SRP68: variants seen among roughly 807,000 people sequenced by gnomAD.
SRP68 encodes the protein signal recognition particle 68.
SRP68 carries 15 observed loss-of-function variants against 82.2 expected under a neutral mutation model. That is an observed-to-expected ratio of 0.18 (90% CI 0.12 to 0.28). The LOEUF (loss-of-function observed/expected upper bound fraction) is 0.28. Ranked by LOEUF, SRP68 falls within the 10% of genes least tolerant of loss-of-function variation. SRP68 has a pLI of 1.00. For synonymous variants in SRP68, 261 were observed against 292.6 expected, an observed-to-expected ratio of 0.89 and a Z score of 1.10; for missense variants, 595 against 780.5, an observed-to-expected ratio of 0.76 and a Z score of 2.83.
chr17:76,047,737 T>G (rs1016418081), intron 10 of SRP68, among the ~76,000 whole-genome samples, 169 bp downstream of exon 10: 1 of 150,830 alleles, frequency 6.6e-6, no homozygotes, highest in African/African-American at 2.4e-5. Context: ...TGCAGTGAGC[T>G]GAGATCACAT....
At position 76,067,255 on chromosome 17, in the gene SRP68, T is replaced by C. The variant is rs1478845101; in HGVS notation, c.327A>G (p.Thr109=). 3 of 1,613,784 alleles carry C rather than the reference T, an allele frequency of 1.9e-6. No individual in the cohort carries two copies. The highest frequency in any genetic ancestry group is 2.5e-6 in the Non-Finnish European group (3 of 1,179,856). ...NFKMGNRHKF[T]GKKVTEELLT... ...GAAGCTCTTCAGTCACTTTCTTCCC[T>C]GTGAATTTGTGTCTGTTACCCATCT... Residue 109 remains threonine (T), a synonymous_variant, in exon 3 of 16, where the codon ACA becomes ACG. Coordinates refer to ENST00000307877, the MANE Select transcript of SRP68 (RefSeq NM_014230.4).
intron 4 of SRP68, among the ~76,000 whole-genome samples, chr17:76,062,074 C>T (rs774377937): frequency 1.2e-4 from 19 of 152,038 alleles, no homozygotes; most frequent in Non-Finnish European, 2.8e-4. Context: ...CACCTGAGGT[C>T]AGGAGTTGGG....
intron 7 of SRP68, among the ~76,000 whole-genome samples, chr17:76,059,374 C>T (rs2066734579): frequency 6.6e-6 from 1 of 152,066 alleles, no homozygotes; most frequent in Non-Finnish European, 1.5e-5. Flanking sequence ...GAAACCCCGT[C>T]TCTACTAAAA....
chr17:76,055,097 C>A (rs1360177090), intron 8 of SRP68, among the ~76,000 whole-genome samples: 1 of 151,580 alleles, frequency 6.6e-6, no homozygotes, highest in Non-Finnish European at 1.5e-5. Context: ...GCTGGGATTA[C>A]AGACGTCTAC....
chr17:76,046,141 G>C lies in SRP68; in HGVS notation c.1196C>G (p.Ala399Gly). ...STAIKRNENMAKGLQRALLQQ... is the reference protein window; with the variant it reads ...STAIKRNENMGKGLQRALLQQ... ...CAGCAGAGCCCTCTGCAGACCTTTGGCCATGTTCTCATTACGCTTGATTGC... is the reference window on the plus strand; with the variant it reads ...CAGCAGAGCCCTCTGCAGACCTTTGCCCATGTTCTCATTACGCTTGATTGC... Residue 399 changes from alanine (A) to glycine (G), a missense_variant, in exon 11 of 16, where the codon GCC becomes GGC. This residue lies in a region of SRP68 where 495 missense variants were observed against 688.6 expected (regional missense o/e 0.72). Coordinates refer to ENST00000307877, the MANE Select transcript of SRP68 (RefSeq NM_014230.4). The C allele has an allele frequency of 6.2e-7, 1 of 1,613,886 alleles. No individual in the cohort carries two copies. Among genetic ancestry groups the C allele is most frequent in the Non-Finnish European group, 8.5e-7 (1 of 1,179,854 alleles).
intron 15 of SRP68, 67 bp downstream of exon 15, chr17:76,040,352 G>T: frequency 2.7e-6 from 4 of 1,460,866 alleles, no homozygotes; most frequent in South Asian, 2.3e-5. Flanking sequence ...GCTCTATAAT[G>T]AGCATGCATT....
At chr17:76,061,443 G>T in intron 5 of SRP68, 49 bp downstream of exon 5, 1 of 1,516,718 alleles carries the variant, frequency 6.6e-7, no homozygotes, top group South Asian at 1.1e-5. Flanking sequence ...GCTTAAATTT[G>T]ACAATCTGTA....
intron 5 of SRP68, 104 bp from the exon 6 acceptor site, chr17:76,061,323 C>A: frequency 1.0e-6 from 1 of 965,208 alleles, no homozygotes; most frequent in Non-Finnish European, 1.6e-6. Flanking sequence ...AGCTCTCCTA[C>A]CAACTACCAT....
In SRP68 at chr17:76,062,564, TATTATATAATATAC is replaced by T. The variant is rs1430110613; in HGVS notation, c.562-1004_562-991del. ...TATATATTATATAATATACATTATA[TATTATATAATATAC>T]ATTATATAATATATAATATACATTA... On this transcript the variant is annotated intron_variant, in intron 4 of 15. Coordinates refer to ENST00000307877, the MANE Select transcript of SRP68 (RefSeq NM_014230.4). 2.7e-4 allele frequency among the ~76,000 whole-genome samples: 16 copies of T among 59,010 alleles called. 1 individual carries two copies. Among genetic ancestry groups the T allele is most frequent in the East Asian group, 1.2e-3 (3 of 2,562 alleles). 38.7% of individuals were successfully genotyped at this position (59,010 alleles called of 152,430 possible).
chr17:76,045,236 C>A, intron 12 of SRP68, 56 bp downstream of exon 12: 4 of 1,397,194 alleles, frequency 2.9e-6, no homozygotes, highest in South Asian at 2.3e-5. Flanking sequence ...GTCATGCTCC[C>A]AATGCTTATA....
At position 76,050,436 on chromosome 17, in the gene SRP68, G is replaced by A; in HGVS notation, c.1069C>T (p.Pro357Ser). Residue 357 changes from proline (P) to serine (S), a missense_variant, in exon 9 of 16, where the codon CCA becomes TCA. Transcript: ENST00000307877. ...TCGGCTGAGGGTCCTACCTGATCTG[G>A]CTTGAGCTCCTCCCGAACCACCTGG... ...AIQVVREELK[P>S]DQKQRDYILE... 6.2e-7 allele frequency: 1 copy of A among 1,613,034 alleles called. No individual in the cohort carries two copies. Among genetic ancestry groups the A allele is most frequent in the African/African-American group, 1.3e-5 (1 of 74,968 alleles).
chr17:76,059,160 G>T (rs956383827), intron 7 of SRP68, among the ~76,000 whole-genome samples: 2 of 152,264 alleles, frequency 1.3e-5, no homozygotes, highest in East Asian at 3.9e-4. Flanking sequence ...GAGGCAGGAG[G>T]ATCACTTGAG....
At chr17:76,050,858 C>T (rs575559585) in intron 8 of SRP68, among the ~76,000 whole-genome samples, 1 of 151,962 alleles carries the variant, frequency 6.6e-6, no homozygotes, top group South Asian at 2.1e-4. Flanking sequence ...TCACCCTCTG[C>T]TCAGGACCTG....
At chr17:76,065,147 T>C (rs934103671) in intron 3 of SRP68, among the ~76,000 whole-genome samples, 1 of 152,072 alleles carries the variant, frequency 6.6e-6, no homozygotes, top group Non-Finnish European at 1.5e-5. Context: ...GTAAAGGATC[T>C]TGCTATCATA....
At chr17:76,050,902 G>C (rs1312649882) in intron 8 of SRP68, among the ~76,000 whole-genome samples, 2 of 151,574 alleles carry the variant, frequency 1.3e-5, no homozygotes, top group Non-Finnish European at 2.9e-5. Flanking sequence ...ACTGGACTTG[G>C]GACACTCTAC....
chr17:76,061,826 A>T (rs113859031), intron 4 of SRP68, among the ~76,000 whole-genome samples: 46 of 152,132 alleles, frequency 3.0e-4, no homozygotes, highest in African/African-American at 1.1e-3. Flanking sequence ...AATAAATTTT[A>T]AAAAAAGAAG....
At chr17:76,053,851 T>A (rs1217199614) in intron 8 of SRP68, among the ~76,000 whole-genome samples, 1 of 152,178 alleles carries the variant, frequency 6.6e-6, no homozygotes, top group African/African-American at 2.4e-5. Context: ...AAGGCTAAGA[T>A]GATTCCTGAA....
intron 8 of SRP68, among the ~76,000 whole-genome samples, chr17:76,050,986 C>T (rs749254682): frequency 6.6e-6 from 1 of 152,024 alleles, no homozygotes; most frequent in Non-Finnish European, 1.5e-5. Flanking sequence ...TACTGTATGC[C>T]AACACAATTA....
At chr17:76,055,955 C>T (rs750599660) in intron 8 of SRP68, among the ~76,000 whole-genome samples, 3 of 151,348 alleles carry the variant, frequency 2.0e-5, no homozygotes, top group Non-Finnish European at 2.9e-5. Flanking sequence ...TACAGGTGCA[C>T]GCCACCACGC....
Sources: allele counts gnomAD v4.1 joint callset (sites outside exome capture counted in the v4.1 genomes callset), GRCh38; gene constraint gnomAD v4.1.1; regional missense constraint gnomAD v4.1.1; transcripts MANE v1.5; gene names NCBI Gene and HGNC (gene_info 2026-07-23, HGNC 2026-07-21).